LZTFL1: variants seen among roughly 807,000 people sequenced by gnomAD.
LZTFL1 encodes the protein leucine zipper transcription factor-like protein 1.
Under a neutral mutation model 45.9 loss-of-function variants are expected in LZTFL1, and 25 were observed. That is an observed-to-expected ratio of 0.54 (90% CI 0.40 to 0.76). The LOEUF (loss-of-function observed/expected upper bound fraction) is 0.76. LZTFL1 is among the 30% of genes least tolerant of loss of function. LZTFL1 has a pLI of 0.00. For synonymous variants in LZTFL1, 93 were observed against 117.4 expected, an observed-to-expected ratio of 0.79 and a Z score of 1.35; for missense variants, 277 against 331.1, an observed-to-expected ratio of 0.84 and a Z score of 1.27.
intron 7 of LZTFL1, among the ~76,000 whole-genome samples, chr3:45,830,418 C>T (rs3774643): frequency 0.075 from 11,438 of 152,206 alleles, 517 homozygotes; most frequent in Non-Finnish European, 0.088. Context: ...ATGGTGCCGG[C>T]GGGTACAGAC....
At chr3:45,868,862 T>C (rs1327384004) in intron 2 of LZTFL1, among the ~76,000 whole-genome samples, 1 of 152,162 alleles carries the variant, frequency 6.6e-6, no homozygotes, top group Non-Finnish European at 1.5e-5. Flanking sequence ...AACGTGGATA[T>C]AAGACTCTCC....
chr3:45,879,776 G>A (rs539135668), intron 2 of LZTFL1, among the ~76,000 whole-genome samples: 1 of 152,210 alleles, frequency 6.6e-6, no homozygotes, highest in South Asian at 2.1e-4. Flanking sequence ...GGAACTCTCT[G>A]TACCTTCTGC....
At chr3:45,890,687 C>T (rs746224023) in intron 2 of LZTFL1, among the ~76,000 whole-genome samples, 11 of 152,016 alleles carry the variant, frequency 7.2e-5, no homozygotes, top group Admixed American at 1.3e-4. Context: ...CTTGGTTCTT[C>T]GGCTTAGGAG....
intron 2 of LZTFL1, among the ~76,000 whole-genome samples, chr3:45,872,273 A>C (rs1339647903): frequency 6.6e-6 from 1 of 151,910 alleles, no homozygotes; most frequent in African/African-American, 2.4e-5. Context: ...ACAAGTATAA[A>C]CCCCAAAGCG....
chr3:45,868,363 G>A (rs1197033462), intron 2 of LZTFL1, among the ~76,000 whole-genome samples: 3 of 152,054 alleles, frequency 2.0e-5, no homozygotes, highest in Non-Finnish European at 4.4e-5. Flanking sequence ...ACCTTAGAGA[G>A]CCAGATGACT....
intron 7 of LZTFL1, among the ~76,000 whole-genome samples, chr3:45,830,585 TA>T (rs34332599): frequency 1.8e-4 from 27 of 146,672 alleles, no homozygotes; most frequent in Non-Finnish European, 2.0e-4. Context: ...AGGGGAAACT[TA>T]AAAAAAAAAA....
intron 2 of LZTFL1, among the ~76,000 whole-genome samples, chr3:45,880,713 G>C (rs373595875): frequency 1.3e-5 from 2 of 151,982 alleles, no homozygotes; most frequent in Admixed American, 6.5e-5. Flanking sequence ...CCTGCCAACT[G>C]TTCCCTCTGC....
chr3:45,894,377 C>T (rs916087323), intron 2 of LZTFL1, among the ~76,000 whole-genome samples: 2 of 152,224 alleles, frequency 1.3e-5, no homozygotes, highest in Admixed American at 6.5e-5. Flanking sequence ...TCATGTTCTT[C>T]TTGCCACCTG....
Position 45,891,429 on chromosome 3 carries a change from C to T in LZTFL1, c.-215+21691G>A, listed in dbSNP as rs184869140. Among the ~76,000 whole-genome samples, 351 of 151,914 alleles carry T rather than the reference C, an allele frequency of 2.3e-3. 2 individuals carry two copies. The highest frequency in any genetic ancestry group is 3.9e-3 in the Non-Finnish European group (264 of 67,952). On this transcript the variant is annotated intron_variant, in intron 2 of 4. Coordinates refer to the LZTFL1 transcript ENST00000472635. ...ATTTTGTCCTACTGGCTTTATTATT[C>T]TCCTTCTCTCTATATACATATGTTT... is the stretch of plus-strand genomic sequence containing the variant.
At chr3:45,836,283 T>A (rs1700963821) in intron 2 of LZTFL1, among the ~76,000 whole-genome samples, 1 of 152,082 alleles carries the variant, frequency 6.6e-6, no homozygotes, top group Admixed American at 6.6e-5. Flanking sequence ...ATAATAATAA[T>A]AATAAAAACT....
chr3:45,912,971 G>A, intron 2 of LZTFL1: 1 of 734,950 alleles, frequency 1.4e-6, no homozygotes, highest in Non-Finnish European at 2.2e-6. Flanking sequence ...GGCTGCCATA[G>A]CAAATCCTGG....
intron 2 of LZTFL1, among the ~76,000 whole-genome samples, chr3:45,905,747 G>A (rs1702667599): frequency 6.6e-6 from 1 of 152,214 alleles, no homozygotes; most frequent in Admixed American, 6.5e-5. Flanking sequence ...AGGGCACTCT[G>A]CCAGCACACC....
At position 45,842,062 on chromosome 3, in the gene LZTFL1, C is replaced by T; in HGVS notation, c.-71G>A. The T allele has an allele frequency of 6.3e-7, 1 of 1,597,868 alleles. No homozygotes were observed. The highest frequency in any genetic ancestry group is 8.5e-7 in the Non-Finnish European group (1 of 1,174,096). On this transcript the variant is annotated 5_prime_UTR_variant, in exon 1 of 10. Transcript: ENST00000296135. Reference sequence around the variant, plus strand: ...CGGTGCCCCGCCAAGCCTGGGATCGCCGAGGGTAGTTGGACCACAGAAAAT... The same window carrying T: ...CGGTGCCCCGCCAAGCCTGGGATCGTCGAGGGTAGTTGGACCACAGAAAAT...
chr3:45,912,981 G>C (rs987183369), intron 2 of LZTFL1: 2 of 820,314 alleles, frequency 2.4e-6, no homozygotes, highest in East Asian at 5.5e-5. Flanking sequence ...GCAAATCCTG[G>C]TTTATGGAAA....
intron 2 of LZTFL1, among the ~76,000 whole-genome samples, chr3:45,861,662 A>G (rs1159355638): frequency 6.6e-6 from 1 of 152,164 alleles, no homozygotes; most frequent in African/African-American, 2.4e-5. Context: ...GTGCCTGCTT[A>G]TTTGCAGATA....
intron 2 of LZTFL1, among the ~76,000 whole-genome samples, chr3:45,899,912 A>T (rs1702490725): frequency 6.6e-6 from 1 of 152,158 alleles, no homozygotes. Context: ...GAAAAAGTGT[A>T]AGAAGTGTGT....
Position 45,842,039 on chromosome 3 carries a change from G to A in LZTFL1, c.-48C>T, listed in dbSNP as rs1210919453. The A allele has an allele frequency of 3.7e-6, 6 of 1,601,686 alleles. No individual in the cohort carries two copies. The highest frequency in any genetic ancestry group is 1.1e-5 in the South Asian group (1 of 89,834). ...CTAAAGGAACGGGAGAGGCCAGGCG[G>A]TGCCCCGCCAAGCCTGGGATCGCCG... On this transcript the variant is annotated 5_prime_UTR_variant, in exon 1 of 10. Coordinates refer to ENST00000296135, the MANE Select transcript of LZTFL1 (RefSeq NM_020347.4).
chr3:45,828,130 G>A (rs1288301248), intron 8 of LZTFL1, among the ~76,000 whole-genome samples: 1 of 152,200 alleles, frequency 6.6e-6, no homozygotes, highest in African/African-American at 2.4e-5. Flanking sequence ...TCTGCAGGCT[G>A]TGGGAAGAAG....
chr3:45,883,324 T>C lies in LZTFL1; in HGVS notation c.-214-24308A>G, dbSNP rs574216792. Among the ~76,000 whole-genome samples the C allele has an allele frequency of 5.3e-4, 80 of 152,352 alleles. 1 individual carries two copies. The highest frequency in any genetic ancestry group is 1.9e-3 in the African/African-American group (79 of 41,590). On this transcript the variant is annotated intron_variant, in intron 2 of 4. Transcript: ENST00000472635. ...AATAGTAATAAAGCTGGATTCTCTT[T>C]AAGAGATTGATAAATTCAAAGGCAA...
Sources: allele counts gnomAD v4.1 joint callset (sites outside exome capture counted in the v4.1 genomes callset), GRCh38; gene constraint gnomAD v4.1.1; transcripts MANE v1.5; gene names NCBI Gene and HGNC (gene_info 2026-07-23, HGNC 2026-07-21).